FAM168B: variants seen among roughly 807,000 people sequenced by gnomAD.
FAM168B encodes the protein myelin-associated neurite-outgrowth inhibitor.
Under a neutral mutation model 21.8 loss-of-function variants are expected in FAM168B, and 19 were observed. The ratio of observed to expected loss-of-function variants is 0.87; its 90% confidence interval spans 0.61 to 1.28. The LOEUF (loss-of-function observed/expected upper bound fraction) is 1.28, where lower values mean the gene tolerates loss of function less well. FAM168B is among the 50% of genes most tolerant of loss of function. The pLI, the probability that FAM168B is intolerant of heterozygous loss-of-function variation, is 0.00. For synonymous variants in FAM168B, 126 were observed against 104.8 expected, an observed-to-expected ratio of 1.20 and a Z score of -1.24; for missense variants, 233 against 263.1, an observed-to-expected ratio of 0.89 and a Z score of 0.79.
chr2:131,057,108 T>TCACACCAC (rs1692066468), intron 3 of FAM168B, among the ~76,000 whole-genome samples: 1 of 152,244 alleles, frequency 6.6e-6, no homozygotes, highest in South Asian at 2.1e-4. Flanking sequence ...GGTGGAGCAC[T>TCACACCAC]CACACACTGT....
intron 3 of FAM168B, among the ~76,000 whole-genome samples, chr2:131,065,468 AT>A (rs776777932): frequency 6.6e-6 from 1 of 152,104 alleles, no homozygotes; most frequent in African/African-American, 2.4e-5. Context: ...CAAGGGTTTC[AT>A]TTTATGGCTA....
chr2:131,091,707 A>G (rs1360532177), intron 1 of FAM168B, among the ~76,000 whole-genome samples: 1 of 151,976 alleles, frequency 6.6e-6, no homozygotes, highest in Non-Finnish European at 1.5e-5. Context: ...CTTCATTACC[A>G]AGGTTTGGGT....
rs1573741706 is a variant in FAM168B, at chr2:131,052,141, G to C, written c.*324C>G. 6 of 985,796 alleles carry C rather than the reference G, an allele frequency of 6.1e-6. No individual in the cohort carries two copies. The highest frequency in any genetic ancestry group is 7.2e-6 in the Non-Finnish European group (6 of 829,934). The allele number at this position is 985,796 out of a possible 1,614,324, so 61.1% of individuals were successfully genotyped here. A position where few individuals can be genotyped will look rare whatever the true frequency, so the allele number is the denominator to read the frequency against. ...TTGCATCAGTCACTGCAGGTAGATT[G>C]AGCAAGCTTTTTGTGTTTGTTTTTT... On this transcript the variant is annotated 3_prime_UTR_variant, in exon 7 of 7. Transcript: ENST00000389915.
rs1383428517 is a variant in FAM168B, at chr2:131,093,044, C to T, written c.-12+170G>A. On this transcript the variant is annotated intron_variant, in intron 1 of 6. Coordinates refer to ENST00000389915, the MANE Select transcript of FAM168B (RefSeq NM_001009993.4). Reference sequence around the variant, plus strand: ...CGCGTACGTGTCCGGCCGAGCTCCGCCCCCGGCCCCCGCCCGGCCTTGCCC... The same window carrying T: ...CGCGTACGTGTCCGGCCGAGCTCCGTCCCCGGCCCCCGCCCGGCCTTGCCC... Among the ~76,000 whole-genome samples, 4 of 151,518 alleles carry T rather than the reference C, an allele frequency of 2.6e-5. No homozygotes were observed. The East Asian group carries it at 7.7e-4, about 29-fold the overall frequency.
intron 1 of FAM168B, among the ~76,000 whole-genome samples, chr2:131,087,063 CAAAAAAAAAAAAAA>C (rs70994735): frequency 1.2e-4 from 5 of 40,684 alleles, no homozygotes; most frequent in Non-Finnish European, 1.7e-4. Context: ...GACTCCGTCT[CAAAAAAAAAAAAAA>C]AAAAAAAAGA....
intron 1 of FAM168B, among the ~76,000 whole-genome samples, chr2:131,090,804 C>CT (rs1278537857): frequency 6.6e-6 from 1 of 152,160 alleles, no homozygotes; most frequent in East Asian, 1.9e-4. Context: ...TCTCGGCTCA[C>CT]TGCAAGCTCC....
intron 4 of FAM168B, 23 bp downstream of exon 4, chr2:131,055,530 C>T: frequency 6.2e-7 from 1 of 1,601,434 alleles, no homozygotes; most frequent in Non-Finnish European, 8.5e-7. Flanking sequence ...CCTTCCCACA[C>T]AGCAGTGTGT....
At chr2:131,085,146 T>C (rs1693619569) in intron 1 of FAM168B, among the ~76,000 whole-genome samples, 4 of 152,092 alleles carry the variant, frequency 2.6e-5, no homozygotes, top group Admixed American at 2.6e-4. Flanking sequence ...GCTGTGAACC[T>C]AAAACTGCTA....
In FAM168B at chr2:131,048,198, TTTC is replaced by T. The variant is rs1220052372; in HGVS notation, c.*4264_*4266del. The T allele has an allele frequency of 1.6e-6, 2 of 1,255,512 alleles. No individual in the cohort carries two copies. The highest frequency in any genetic ancestry group is 1.2e-4 in the East Asian group (2 of 17,056). 77.8% of individuals were successfully genotyped at this position (1,255,512 alleles called of 1,614,324 possible). A position where few individuals can be genotyped will look rare whatever the true frequency, so the allele number is the denominator to read the frequency against. ...TTTTTAAAAAAACAAAAAGGAACCGTTTCTTCTTTAGTTACAATCCATGAGGCT... is the reference window on the plus strand; with the variant it reads ...TTTTTAAAAAAACAAAAAGGAACCGTTTCTTTAGTTACAATCCATGAGGCT... On this transcript the variant is annotated 3_prime_UTR_variant, in exon 7 of 7. Transcript: ENST00000389915.
chr2:131,076,972 G>T (rs900600057), intron 2 of FAM168B, among the ~76,000 whole-genome samples: 1 of 151,944 alleles, frequency 6.6e-6, no homozygotes, highest in Non-Finnish European at 1.5e-5. Context: ...GTCTCACACT[G>T]CTGATAAGAA....
chr2:131,085,454 T>C (rs1041697944), intron 1 of FAM168B, among the ~76,000 whole-genome samples: 1 of 152,184 alleles, frequency 6.6e-6, no homozygotes, highest in East Asian at 1.9e-4. Flanking sequence ...TAGCTGCAAC[T>C]ACCTACCGAC....
chr2:131,070,132 C>G (rs928080929), intron 3 of FAM168B, among the ~76,000 whole-genome samples: 1 of 152,148 alleles, frequency 6.6e-6, no homozygotes, highest in African/African-American at 2.4e-5. Context: ...GCTGGGATTA[C>G]AGACGTGAGC....
rs900152339 is a variant in FAM168B at position 131,050,348 on chromosome 2, G to A, written c.*2117C>T. On this transcript the variant is annotated 3_prime_UTR_variant, in exon 7 of 7. Coordinates refer to ENST00000389915, the MANE Select transcript of FAM168B (RefSeq NM_001009993.4). The stretch of plus-strand genomic sequence containing the variant: ...TCCTAATCTATTAGCACTCAATTGG[G>A]AAAAAAGACTTCTCTGCTACTTGGT... The A allele has an allele frequency of 1.0e-6, 1 of 985,528 alleles. No homozygotes were observed. Among genetic ancestry groups the A allele is most frequent in the Non-Finnish European group, 1.2e-6 (1 of 829,918 alleles). The allele number at this position is 985,528 out of a possible 1,614,324, so 61.0% of individuals were successfully genotyped here. A position where few individuals can be genotyped will look rare whatever the true frequency, so the allele number is the denominator to read the frequency against.
Position 131,050,327 on chromosome 2 carries a change from A to G in FAM168B, c.*2138T>C, listed in dbSNP as rs1347896434. Reference sequence around the variant, plus strand: ...ACTAACATTGTGAGTATTTTATCCTAATCTATTAGCACTCAATTGGGAAAA... The same window carrying G: ...ACTAACATTGTGAGTATTTTATCCTGATCTATTAGCACTCAATTGGGAAAA... On this transcript the variant is annotated 3_prime_UTR_variant, in exon 7 of 7. Coordinates refer to ENST00000389915, the MANE Select transcript of FAM168B (RefSeq NM_001009993.4). 2 of 985,360 alleles carry G rather than the reference A, an allele frequency of 2.0e-6. No homozygotes were observed. Among genetic ancestry groups the G allele is most frequent in the Non-Finnish European group, 2.4e-6 (2 of 829,940 alleles). 61.0% of individuals were successfully genotyped at this position (985,360 alleles called of 1,614,324 possible).
chr2:131,057,442 C>T lies in FAM168B; in HGVS notation c.155-1747G>A, dbSNP rs567025667. On this transcript the variant is annotated intron_variant, in intron 3 of 6. Transcript: ENST00000389915. ...AGCAATGATCCCGTTTATTCCCTAA[C>T]AACAAAGAAATTTACCTACGGTGAC... 1.9e-4 allele frequency among the ~76,000 whole-genome samples: 29 copies of T among 152,256 alleles called. No individual in the cohort carries two copies. In the South Asian group the frequency reaches 5.8e-3, roughly 30 times the overall value.
rs1691535060 is a variant in FAM168B at position 131,049,771 on chromosome 2, A to G, written c.*2694T>C. On this transcript the variant is annotated 3_prime_UTR_variant, in exon 7 of 7. Transcript: ENST00000389915. ...CTCCCAAATTAGGAATGTCAAACAC[A>G]CAAAAAGCAAATTTCTCAGAATGCT... 13 of 985,896 alleles carry G rather than the reference A, an allele frequency of 1.3e-5. No homozygotes were observed. The highest frequency in any genetic ancestry group is 1.6e-5 in the Non-Finnish European group (13 of 829,940). The allele number at this position is 985,896 out of a possible 1,614,324, so 61.1% of individuals were successfully genotyped here. A position where few individuals can be genotyped will look rare whatever the true frequency, so the allele number is the denominator to read the frequency against.
chr2:131,058,444 C>T (rs1474593903), intron 3 of FAM168B, among the ~76,000 whole-genome samples: 3 of 152,140 alleles, frequency 2.0e-5, no homozygotes, highest in East Asian at 1.9e-4. Flanking sequence ...TGCAGCAAAG[C>T]GGGTGCTCAC....
Position 131,052,132 on chromosome 2 carries a change from A to C in FAM168B, c.*333T>G. ...ATGATGGTTTTGCATCAGTCACTGC[A>C]GGTAGATTGAGCAAGCTTTTTGTGT... On this transcript the variant is annotated 3_prime_UTR_variant, in exon 7 of 7. Coordinates refer to ENST00000389915, the MANE Select transcript of FAM168B (RefSeq NM_001009993.4). The C allele has an allele frequency of 1.0e-6, 1 of 985,830 alleles. No individual in the cohort carries two copies. The highest frequency in any genetic ancestry group is 1.2e-6 in the Non-Finnish European group (1 of 829,928). The allele number at this position is 985,830 out of a possible 1,614,324, so 61.1% of individuals were successfully genotyped here. A position where few individuals can be genotyped will look rare whatever the true frequency, so the allele number is the denominator to read the frequency against.
chr2:131,092,895 G>A (rs188025242), intron 1 of FAM168B, among the ~76,000 whole-genome samples: 1 of 152,206 alleles, frequency 6.6e-6, no homozygotes, highest in African/African-American at 2.4e-5. Context: ...ACAAAGCTCT[G>A]CCCCCGGGTT....
Sources: allele counts gnomAD v4.1 joint callset (sites outside exome capture counted in the v4.1 genomes callset), GRCh38; gene constraint gnomAD v4.1.1; transcripts MANE v1.5; gene names NCBI Gene and HGNC (gene_info 2026-07-23, HGNC 2026-07-21).